Variants in NFIA observed in about 807,000 individuals in gnomAD.
NFIA encodes nuclear factor I A.
Under a neutral mutation model 62.8 loss-of-function variants are expected in NFIA, and 8 were observed. The observed-to-expected ratio is 0.13, with a 90% CI of 0.07 to 0.23. The LOEUF (loss-of-function observed/expected upper bound fraction) is 0.23. NFIA is among the 10% of genes least tolerant of loss of function. NFIA has a pLI of 1.00. For synonymous variants in NFIA, 235 were observed against 238.1 expected (o/e 0.99, Z 0.12); for missense variants, 410 against 642.1 (o/e 0.64, Z 3.91).
chr1:61,283,689 A>AT (rs894703892), intron 3 of NFIA, among the ~76,000 whole-genome samples: 11 of 150,124 alleles, frequency 7.3e-5, no homozygotes, highest in Admixed American at 2.7e-4. Context: ...TTTGATGAAC[A>AT]TTTTTTTATC....
intron 2 of NFIA, among the ~76,000 whole-genome samples, chr1:61,213,711 A>G (rs1000250762): frequency 2.6e-5 from 4 of 152,330 alleles, no homozygotes; most frequent in Admixed American, 1.3e-4. Flanking sequence ...GGTACTAAAA[A>G]TCTGCTTTTC....
intron 8 of NFIA, among the ~76,000 whole-genome samples, chr1:61,404,757 G>T (rs1294767738): frequency 6.6e-6 from 1 of 152,156 alleles, no homozygotes; most frequent in African/African-American, 2.4e-5. Flanking sequence ...ACCAGTACTT[G>T]AACTCAAGAT....
intron 2 of NFIA, among the ~76,000 whole-genome samples, chr1:61,090,609 G>T (rs972012061): frequency 1.3e-5 from 2 of 152,180 alleles, no homozygotes; most frequent in African/African-American, 4.8e-5. Flanking sequence ...GCCTGAAGGG[G>T]TTATGTTGGT....
chr1:61,362,942 A>G (rs1663378792), intron 6 of NFIA, among the ~76,000 whole-genome samples: 1 of 152,226 alleles, frequency 6.6e-6, no homozygotes, highest in Non-Finnish European at 1.5e-5. Flanking sequence ...GATAATGCAG[A>G]TAAACAGGAA....
intron 2 of NFIA, among the ~76,000 whole-genome samples, chr1:61,150,504 A>G (rs1302530246): frequency 1.3e-5 from 2 of 152,188 alleles, no homozygotes; most frequent in Admixed American, 1.3e-4. Flanking sequence ...CAGAAATTCT[A>G]TAACTAGAAA....
chr1:61,161,154 A>G (rs1311773413), intron 2 of NFIA, among the ~76,000 whole-genome samples: 2 of 152,200 alleles, frequency 1.3e-5, no homozygotes, highest in East Asian at 3.9e-4. Flanking sequence ...ACCTCAAGTG[A>G]TCCGTCCACC....
rs1470300351 is a variant in NFIA, at chr1:61,323,849, A to G, written c.626-8663A>G. Among the ~76,000 whole-genome samples the G allele has an allele frequency of 3.9e-5, 6 of 152,314 alleles. No individual in the cohort carries two copies. The East Asian group carries it at 1.2e-3, about 29-fold the overall frequency. ...AATATTTATTACACACCTAGAATAA[A>G]GGCTTATGCTGGGCCCTGTGGACAA... On this transcript the variant is annotated intron_variant, in intron 3 of 10. Coordinates refer to ENST00000403491, the MANE Select transcript of NFIA (RefSeq NM_001134673.4).
At chr1:61,199,489 T>A (rs1652267889) in intron 2 of NFIA, among the ~76,000 whole-genome samples, 1 of 152,204 alleles carries the variant, frequency 6.6e-6, no homozygotes, top group Non-Finnish European at 1.5e-5. Flanking sequence ...ATGTAGCATT[T>A]CCAATCTTAT....
intron 3 of NFIA, among the ~76,000 whole-genome samples, chr1:61,293,616 T>G (rs1248107919): frequency 6.6e-6 from 1 of 151,632 alleles, no homozygotes; most frequent in Non-Finnish European, 1.5e-5. Context: ...GTGACTTCTT[T>G]GGCATCCACC....
At position 61,130,028 on chromosome 1, in the gene NFIA, A is replaced by AC. The variant is rs202108288; in HGVS notation, c.559+41351dup. On this transcript the variant is annotated intron_variant, in intron 2 of 10. Transcript: ENST00000403491. The stretch of plus-strand genomic sequence containing the variant: ...TGGTGGTTCTTATATTGGTAAGAAG[A>AC]CCCTTCTTTGGTTTCTTTTTTTCCA... Among the ~76,000 whole-genome samples, 9 of 152,102 alleles carry AC rather than the reference A, an allele frequency of 5.9e-5. No individual in the cohort carries two copies. The East Asian group carries it at 1.5e-3, about 26-fold the overall frequency.
intron 2 of NFIA, among the ~76,000 whole-genome samples, chr1:61,128,569 G>A (rs1464928308): frequency 6.6e-6 from 1 of 151,998 alleles, no homozygotes; most frequent in Non-Finnish European, 1.5e-5. Flanking sequence ...CCCCAACCTG[G>A]GTGACAGAGT....
chr1:61,414,570 G>A (rs928636984), intron 9 of NFIA, among the ~76,000 whole-genome samples: 5 of 151,606 alleles, frequency 3.3e-5, no homozygotes, highest in Admixed American at 3.3e-4. Flanking sequence ...AACCCAATGG[G>A]AGAAATACAG....
chr1:61,141,468 G>T (rs2100506604), intron 2 of NFIA, among the ~76,000 whole-genome samples: 1 of 152,200 alleles, frequency 6.6e-6, no homozygotes, highest in East Asian at 1.9e-4. Flanking sequence ...ACTGGTCTTT[G>T]GTTTATCTCC....
intron 6 of NFIA, among the ~76,000 whole-genome samples, chr1:61,379,402 C>CTTTTTTTTTTTT (rs60735193): frequency 2.1e-3 from 210 of 98,120 alleles, no homozygotes; most frequent in Non-Finnish European, 2.8e-3. Context: ...TTTTCTTTTT[C>CTTTTTTTTTTTT]TTTTTTTTTT....
At chr1:61,114,606 G>T (rs1469387858) in intron 2 of NFIA, among the ~76,000 whole-genome samples, 1 of 152,068 alleles carries the variant, frequency 6.6e-6, no homozygotes, top group Non-Finnish European at 1.5e-5. Context: ...TCTCTTTGAG[G>T]GTGGCCTGTT....
chr1:61,153,278 T>C (rs1648553104), intron 2 of NFIA, among the ~76,000 whole-genome samples: 1 of 152,234 alleles, frequency 6.6e-6, no homozygotes, highest in Admixed American at 6.5e-5. Flanking sequence ...GCAGCCTGCT[T>C]CTATCATTTG....
chr1:61,411,001 G>A (rs964944867), intron 9 of NFIA, among the ~76,000 whole-genome samples: 3 of 152,132 alleles, frequency 2.0e-5, no homozygotes, highest in African/African-American at 7.2e-5. Flanking sequence ...ACTCCCTTAT[G>A]TATTGATGGA....
At chr1:61,453,824 T>C (rs1290071124) in intron 10 of NFIA, among the ~76,000 whole-genome samples, 3 of 152,190 alleles carry the variant, frequency 2.0e-5, no homozygotes, top group Non-Finnish European at 2.9e-5. Flanking sequence ...CTTCTTTCTT[T>C]TGTCCAGCTA....
intron 2 of NFIA, among the ~76,000 whole-genome samples, chr1:61,217,220 C>A (rs186879939): frequency 2.7e-5 from 4 of 150,382 alleles, no homozygotes; most frequent in African/African-American, 9.8e-5. Context: ...CCACACCTTG[C>A]TAATTTTTTT....
Sources: allele counts gnomAD v4.1 joint callset (sites outside exome capture counted in the v4.1 genomes callset), GRCh38; gene constraint gnomAD v4.1.1; transcripts MANE v1.5; gene names NCBI Gene and HGNC (gene_info 2026-07-23, HGNC 2026-07-21).